Variants in PLEC observed in about 807,000 individuals in gnomAD.
The protein encoded by PLEC is plectin, also known as hemidesmosomal protein 1.
In PLEC, 216 loss-of-function variants were observed where a neutral mutation model predicts 392.8. That is an observed-to-expected ratio of 0.55 (90% CI 0.49 to 0.62). The LOEUF (loss-of-function observed/expected upper bound fraction) is 0.62, where lower values mean the gene tolerates loss of function less well. Among genes scored for constraint, PLEC ranks in the 20% least tolerant of loss-of-function variants. The pLI is 0.00. For missense variants in PLEC, 6,863 were observed against 6,563.4 expected, an observed-to-expected ratio of 1.05 and a Z score of -1.58; for synonymous variants, 3,621 against 2,980.6, an observed-to-expected ratio of 1.21 and a Z score of -7.00.
At chr8:143,941,620 G>A (rs543716142), upstream of PLEC, among the ~76,000 whole-genome samples, 16 of 152,122 alleles carry the variant, frequency 1.1e-4, 2 homozygotes, top group South Asian at 3.1e-3. Context: ...CCTGCCTCTG[G>A]GTGCCTCTTT....
At position 143,919,824 on chromosome 8, in the gene PLEC, C is replaced by T; in HGVS notation, c.9997G>A (p.Asp3333Asn). Residue 3333 changes from aspartate (D) to asparagine (N), a missense_variant, in exon 32 of 32, where the codon GAC becomes AAC. Physicochemically the swap from Asp to Asn is conservative, Grantham distance 23 (BLOSUM62 1). Coordinates refer to ENST00000345136, the MANE Select transcript of PLEC (RefSeq NM_201384.3). ...AGGTCCTTGACCGTCGTCTTGCCGTCCTTGAGCTGCTCAAACTGGGCTCTG... is the reference window on the plus strand; with the variant it reads ...AGGTCCTTGACCGTCGTCTTGCCGTTCTTGAGCTGCTCAAACTGGGCTCTG... Reference protein sequence around the residue: ...LSRAQFEQLKDGKTTVKDLSE... With the variant: ...LSRAQFEQLKNGKTTVKDLSE... 6.2e-7 allele frequency: 1 copy of T among 1,613,140 alleles called. No homozygotes were observed. The highest frequency in any genetic ancestry group is 8.5e-7 in the Non-Finnish European group (1 of 1,180,032).
Position 143,918,141 on chromosome 8 carries a change from T to C in PLEC, c.11680A>G (p.Met3894Val), listed in dbSNP as rs781993724. 1.8e-5 allele frequency: 29 copies of C among 1,599,200 alleles called. No individual in the cohort carries two copies. The highest frequency in any genetic ancestry group is 3.3e-5 in the South Asian group (3 of 90,934). Residue 3894 changes from methionine to valine, a missense_variant, in exon 32 of 32, where the codon ATG (methionine) becomes GTG (valine). By Grantham distance (21) the Met-to-Val change is conservative (BLOSUM62 1). Coordinates refer to ENST00000345136, the MANE Select transcript of PLEC (RefSeq NM_201384.3). ...TFRGLRKQITMEELVRSQVMD... is the reference protein window; with the variant it reads ...TFRGLRKQITVEELVRSQVMD... ...ACCTGCGAGCGCACCAGCTCCTCCA[T>C]GGTGATCTGCTTCCGCAGGCCACGG...
chr8:143,929,320 C>A (rs782684874), intron 24 of PLEC, 39 bp from the exon 25 acceptor site: 1 of 1,594,062 alleles, frequency 6.3e-7, no homozygotes, highest in African/African-American at 1.3e-5. Flanking sequence ...CATCACCGAG[C>A]GCAGCACACA....
rs781840810 is a variant in PLEC, at chr8:143,922,723, GTCC to G, written c.7203_7205del (p.Glu2401del). On this transcript the variant is annotated inframe_deletion, in exon 31 of 32. Coordinates refer to ENST00000345136, the MANE Select transcript of PLEC (RefSeq NM_201384.3). ...CCGCCTGCTTCCGGAAGCGCTGGGC[GTCC>G]TCCTCAGCGCGGGCCTGGGCTCGGC... 6.2e-6 allele frequency: 10 copies of G among 1,611,554 alleles called. No homozygotes were observed. Among genetic ancestry groups the G allele is most frequent in the Non-Finnish European group, 7.6e-6 (9 of 1,179,718 alleles).
upstream of PLEC, among the ~76,000 whole-genome samples, chr8:143,973,969 C>CG (rs1833568189): frequency 6.6e-6 from 1 of 152,184 alleles, no homozygotes; most frequent in African/African-American, 2.4e-5. The surrounding 1 kb of genome is among the most constrained non-coding windows in gnomAD (Gnocchi z 5.6). Flanking sequence ...AGTACACATA[C>CG]GAGGACTGGA....
rs781962382 is a variant in PLEC, at chr8:143,925,722, G to A, written c.4207C>T (p.Arg1403Trp). ...GCGTCCACCGCCGCCTCCTCCCGCC[G>A]CACCACCTCCTCCTGCATGCGCTGC... ...LQQRMQEEVVRREEAAVDAQQ... is the reference protein window; with the variant it reads ...LQQRMQEEVVWREEAAVDAQQ... The change falls in exon 31 of 32, where the codon CGG becomes TGG. Residue 1403 changes from arginine (R) to tryptophan (W), a missense_variant. Coordinates refer to ENST00000345136, the MANE Select transcript of PLEC (RefSeq NM_201384.3). 1.4e-5 allele frequency: 22 copies of A among 1,595,454 alleles called. No individual in the cohort carries two copies. Among genetic ancestry groups the A allele is most frequent in the South Asian group, 3.3e-5 (3 of 90,710 alleles).
Position 143,973,301 on chromosome 8 carries a change from C to T in PLEC, c.70+102G>A. 1 of 1,436,964 alleles carries T rather than the reference C, an allele frequency of 7.0e-7. No homozygotes were observed. Among genetic ancestry groups the T allele is most frequent in the Non-Finnish European group, 9.4e-7 (1 of 1,059,760 alleles). The allele number at this position is 1,436,964 out of a possible 1,614,324, so 89.0% of individuals were successfully genotyped here. On this transcript the variant is annotated intron_variant, in intron 1 of 31. Coordinates refer to the PLEC transcript ENST00000356346. This position sits in a 1 kb window ranked among gnomAD's most constrained non-coding sequence, Gnocchi z 5.6. ...AGGCGGACGAGGCCGGCGGAGTGGCCGCGCTCGGGCCGGCGATCGGGACCG... is the reference window on the plus strand; with the variant it reads ...AGGCGGACGAGGCCGGCGGAGTGGCTGCGCTCGGGCCGGCGATCGGGACCG...
At chr8:143,975,205 T>A, upstream of PLEC, 1 of 1,602,612 alleles carries the variant, frequency 6.2e-7, no homozygotes, top group Non-Finnish European at 8.5e-7. This position sits in a 1 kb window ranked among gnomAD's most constrained non-coding sequence, Gnocchi z 9.9. Context: ...CCCGCTCAGC[T>A]GGGTCCAGGA....
chr8:143,965,391 C>T (rs1833039121), intron 1 of PLEC, among the ~76,000 whole-genome samples: 1 of 152,230 alleles, frequency 6.6e-6, no homozygotes, highest in Admixed American at 6.5e-5. Flanking sequence ...CTGGCACCCT[C>T]CTTCCACCGT....
Position 143,919,590 on chromosome 8 carries a change from C to T in PLEC, c.10231G>A (p.Glu3411Lys), listed in dbSNP as rs891504762. The T allele has an allele frequency of 2.4e-5, 38 of 1,597,730 alleles. No homozygotes were observed. Among genetic ancestry groups the T allele is most frequent in the Admixed American group, 5.1e-5 (3 of 58,988 alleles). ...CCCACCACGCCCGCCTTCACGGCCTCGTGGACATACAGGCGCTGGTTCCGC... is the reference window on the plus strand; with the variant it reads ...CCCACCACGCCCGCCTTCACGGCCTTGTGGACATACAGGCGCTGGTTCCGC... The part of the protein sequence containing the change: ...PVRNQRLYVH[E>K]AVKAGVVGPE... The change falls in exon 32 of 32, where the codon GAG becomes AAG. Residue 3411 changes from glutamate to lysine, a missense_variant. By Grantham distance (56) the Glu-to-Lys change is moderately conservative (BLOSUM62 1). Transcript: ENST00000345136.
At chr8:143,958,843 C>T (rs1832731506), upstream of PLEC, 3 of 259,866 alleles carry the variant, frequency 1.2e-5, no homozygotes, top group South Asian at 6.6e-5. The surrounding 1 kb of genome is among the most constrained non-coding windows in gnomAD (Gnocchi z 4.9). Context: ...CAGCACCAGA[C>T]ACGAAGGTGT....
intron 1 of PLEC, among the ~76,000 whole-genome samples, chr8:143,962,197 T>C (rs1316329396): frequency 6.6e-6 from 1 of 152,188 alleles, no homozygotes; most frequent in Non-Finnish European, 1.5e-5. Flanking sequence ...TTGGATTACC[T>C]GGATGGGCCC....
chr8:143,942,091 C>T (rs572423184), upstream of PLEC, among the ~76,000 whole-genome samples: 12 of 152,272 alleles, frequency 7.9e-5, no homozygotes, highest in East Asian at 2.1e-3. Context: ...TCCTCCCTCC[C>T]CCGTGTCCTG....
rs34132016 is a variant in PLEC at position 143,919,860 on chromosome 8, C to G, written c.9961G>C (p.Gly3321Arg). 1 of 1,613,144 alleles carries G rather than the reference C, an allele frequency of 6.2e-7. No homozygotes were observed. The highest frequency in any genetic ancestry group is 1.7e-5 in the Admixed American group (1 of 60,026). The change falls in exon 32 of 32, where the codon GGG becomes CGG. Residue 3321 changes from glycine to arginine, a missense_variant. Gly to Arg is a moderately radical substitution (Grantham distance 125). Transcript: ENST00000345136. The stretch of plus-strand genomic sequence containing the variant: ...TCAAACTGGGCTCTGCTGAGGACCC[C>G]GGAAGCCAGGAGCTCGCTGGCTGGC... The part of the protein sequence containing the change: ...PVPASELLAS[G>R]VLSRAQFEQL...
In PLEC at chr8:143,922,656, G is replaced by C. The variant is rs1823259285; in HGVS notation, c.7273C>G (p.Gln2425Glu). ...GTCTGCACCAGGGTCACCTTCTCCT[G>C]GGTGGCGAGCTCCGTGCGGTGCAGC... Reference protein sequence around the residue: ...EKLHRTELATQEKVTLVQTLE... With the variant: ...EKLHRTELATEEKVTLVQTLE... Residue 2425 changes from glutamine to glutamate, a missense_variant, in exon 31 of 32, where the codon CAG (glutamine) becomes GAG (glutamate). Coordinates refer to ENST00000345136, the MANE Select transcript of PLEC (RefSeq NM_201384.3). 1 of 1,613,314 alleles carries C rather than the reference G, an allele frequency of 6.2e-7. No homozygotes were observed. Among genetic ancestry groups the C allele is most frequent in the African/African-American group, 1.3e-5 (1 of 74,940 alleles).
At chr8:143,953,858 G>C, upstream of PLEC, 1 of 1,575,806 alleles carries the variant, frequency 6.3e-7, no homozygotes, top group Non-Finnish European at 8.6e-7. Context: ...CCGCAGCCGG[G>C]GGAGGAGCCC....
In PLEC at chr8:143,924,439, C is replaced by T; in HGVS notation, c.5490G>A (p.Glu1830=). ...GCTTCTCCGCAAGCACCCGCTCCGC[C>T]TCGGCCCGCTGCCGCGCCGCGTCTT... ...AEEDAARQRA[E]AERVLAEKLA... The change falls in exon 31 of 32, where the codon GAG becomes GAA. Residue 1830 remains glutamate, a synonymous_variant. Transcript: ENST00000345136. 6.4e-7 allele frequency: 1 copy of T among 1,573,568 alleles called. No individual in the cohort carries two copies. Among genetic ancestry groups the T allele is most frequent in the Non-Finnish European group, 8.6e-7 (1 of 1,168,360 alleles).
At position 143,939,356 on chromosome 8, in the gene PLEC, T is replaced by C. The variant is rs782673009; in HGVS notation, c.106A>G (p.Lys36Glu). The change falls in exon 1 of 32, where the codon AAG becomes GAG. Residue 36 changes from lysine to glutamate, a missense_variant. Coordinates refer to ENST00000345136, the MANE Select transcript of PLEC (RefSeq NM_201384.3). ...CCGAGGGGAGCCCTGCTACCTTTCT[T>C]GCCCTCAGAGGCCCTGAGCACAGCC... ...YLAVLRASEG[K>E]KDERDRVQKK... is the part of the protein sequence containing the mutation. 3.7e-6 allele frequency: 6 copies of C among 1,611,720 alleles called. No homozygotes were observed. The South Asian group carries it at 4.4e-5, about 12-fold the overall frequency.
rs782089260 is a variant in PLEC at position 143,929,843 on chromosome 8, G to A, written c.2740-14C>T. 1.4e-5 allele frequency: 22 copies of A among 1,599,674 alleles called. No homozygotes were observed. The Admixed American group carries it at 1.7e-4, about 12-fold the overall frequency. On this transcript the variant is annotated splice_polypyrimidine_tract_variant and intron_variant, in intron 22 of 31. Transcript: ENST00000345136. ...CAGGGTGCGGAACTGGGGGAAGCAC[G>A]TGGGGCTGAGTGCCGGGCGAGGCGG...
Sources: allele counts gnomAD v4.1 joint callset (sites outside exome capture counted in the v4.1 genomes callset), GRCh38; gene constraint gnomAD v4.1.1; non-coding constraint Gnocchi (gnomAD v3.1); transcripts MANE v1.5; gene names NCBI Gene and HGNC (gene_info 2026-07-23, HGNC 2026-07-21).